The following CHCHD6 variants were observed in gnomAD, a reference collection of about 807,000 sequenced individuals.
CHCHD6 encodes the protein coiled-coil-helix-coiled-coil-helix domain containing 6, also known as MICOS complex subunit MIC25.
Under a neutral mutation model 32.3 loss-of-function variants are expected in CHCHD6, and 28 were observed. The observed-to-expected ratio is 0.87, with a 90% confidence interval of 0.64 to 1.19. The LOEUF (loss-of-function observed/expected upper bound fraction) is 1.19, where lower values mean the gene tolerates loss of function less well. Ranked by LOEUF, CHCHD6 falls within the 50% of genes most tolerant of loss-of-function variation. The pLI is 0.00. For synonymous variants in CHCHD6, 122 were observed against 117.5 expected (o/e 1.04, Z -0.25); for missense variants, 333 against 307.0 (o/e 1.08, Z -0.63).
chr3:126,923,162 C>A (rs1251528997), intron 6 of CHCHD6, among the ~76,000 whole-genome samples: 2 of 152,192 alleles, frequency 1.3e-5, no homozygotes, highest in African/African-American at 4.8e-5. Flanking sequence ...CATTTGACAT[C>A]CCTGGGCCAG....
intron 4 of CHCHD6, among the ~76,000 whole-genome samples, chr3:126,809,041 A>T (rs1304757157): frequency 2.0e-5 from 3 of 151,220 alleles, no homozygotes; most frequent in Non-Finnish European, 4.4e-5. Flanking sequence ...GCGTGATCTC[A>T]GCTCACTGCA....
At chr3:126,754,830 C>T (rs1316447857) in intron 4 of CHCHD6, among the ~76,000 whole-genome samples, 2 of 152,194 alleles carry the variant, frequency 1.3e-5, no homozygotes, top group Non-Finnish European at 2.9e-5. Flanking sequence ...ATGGTAGGCA[C>T]CTTTGGTGCT....
intron 4 of CHCHD6, among the ~76,000 whole-genome samples, chr3:126,788,484 T>A (rs1576416647): frequency 6.6e-6 from 1 of 152,238 alleles, no homozygotes; most frequent in Non-Finnish European, 1.5e-5. Flanking sequence ...AAGCTATTAA[T>A]TATTGTCTCA....
intron 4 of CHCHD6, among the ~76,000 whole-genome samples, chr3:126,797,751 A>G (rs1284343623): frequency 2.0e-5 from 3 of 152,144 alleles, no homozygotes; most frequent in African/African-American, 7.2e-5. Context: ...GGAGAGGTTG[A>G]TGCGAATTGT....
intron 5 of CHCHD6, chr3:126,865,700 T>A: frequency 1.0e-6 from 1 of 985,380 alleles, no homozygotes; most frequent in Non-Finnish European, 1.2e-6. Flanking sequence ...CCACCACATA[T>A]TACCCTCTTC....
At chr3:126,755,838 ATG>A (rs58430251) in intron 4 of CHCHD6, among the ~76,000 whole-genome samples, 9,813 of 145,246 alleles carry the variant, frequency 0.068, 976 homozygotes, top group African/African-American at 0.22. Context: ...CTGTGTGTGC[ATG>A]TGTGTGTGTG....
At chr3:126,895,342 G>C (rs2107580149) in intron 5 of CHCHD6, among the ~76,000 whole-genome samples, 1 of 152,330 alleles carries the variant, frequency 6.6e-6, no homozygotes, top group Non-Finnish European at 1.5e-5. Context: ...GAGGGGCTGG[G>C]TGCTGGGGTG....
intron 5 of CHCHD6, among the ~76,000 whole-genome samples, chr3:126,858,071 A>G (rs533765710): frequency 5.9e-5 from 9 of 152,258 alleles, no homozygotes; most frequent in Non-Finnish European, 1.2e-4. Context: ...GGTATTCATG[A>G]TAGAGCATTG....
At chr3:126,827,701 GGA>G (rs776598560) in intron 4 of CHCHD6, among the ~76,000 whole-genome samples, 1 of 152,198 alleles carries the variant, frequency 6.6e-6, no homozygotes, top group Non-Finnish European at 1.5e-5. Context: ...CAAAGTTAGA[GGA>G]GAATGGGATT....
chr3:126,763,503 T>C (rs959699607), intron 4 of CHCHD6, among the ~76,000 whole-genome samples: 5 of 151,978 alleles, frequency 3.3e-5, no homozygotes, highest in Admixed American at 3.3e-4. Flanking sequence ...TTTTTGTTTG[T>C]TTATTTGTTT....
At chr3:126,922,481 TCTTAC>T (rs1450447036) in intron 6 of CHCHD6, among the ~76,000 whole-genome samples, 1 of 152,032 alleles carries the variant, frequency 6.6e-6, no homozygotes, top group Non-Finnish European at 1.5e-5. Context: ...TGTGGATGAG[TCTTAC>T]CTTGCTCTTT....
At chr3:126,722,926 A>G (rs1052505912) in intron 1 of CHCHD6, among the ~76,000 whole-genome samples, 1 of 152,210 alleles carries the variant, frequency 6.6e-6, no homozygotes, top group Non-Finnish European at 1.5e-5. Context: ...TAAGAGTTTT[A>G]TAGTTTTAGC....
intron 1 of CHCHD6, among the ~76,000 whole-genome samples, chr3:126,721,984 C>A (rs989329698): frequency 6.6e-6 from 1 of 152,126 alleles, no homozygotes; most frequent in Admixed American, 6.5e-5. Flanking sequence ...TTTTACTTAT[C>A]CATTCATTGG....
rs539382908 is a variant in CHCHD6, at chr3:126,739,111, T to C, written c.411+5889T>C. Among the ~76,000 whole-genome samples the C allele has an allele frequency of 1.6e-4, 25 of 152,288 alleles. No homozygotes were observed. The East Asian group carries it at 4.6e-3, about 28-fold the overall frequency. ...GTTATGTGGAGATCTGAAAATCCTG[T>C]GGAGATCTGCATTGCCTGTGCTCAG... is the stretch of plus-strand genomic sequence containing the variant. On this transcript the variant is annotated intron_variant, in intron 4 of 7. Transcript: ENST00000290913.
At chr3:126,893,592 A>G (rs2077795883) in intron 5 of CHCHD6, among the ~76,000 whole-genome samples, 1 of 152,236 alleles carries the variant, frequency 6.6e-6, no homozygotes, top group Admixed American at 6.5e-5. Flanking sequence ...CAATGCAATG[A>G]TAGCAGGGCT....
At chr3:126,745,760 T>C (rs1936474599) in intron 4 of CHCHD6, among the ~76,000 whole-genome samples, 1 of 152,238 alleles carries the variant, frequency 6.6e-6, no homozygotes, top group Non-Finnish European at 1.5e-5. Flanking sequence ...CTAGTTGTTC[T>C]TTCCTAACTC....
intron 4 of CHCHD6, among the ~76,000 whole-genome samples, chr3:126,826,034 G>A (rs190045580): frequency 6.6e-6 from 1 of 152,156 alleles, no homozygotes; most frequent in African/African-American, 2.4e-5. Context: ...CTAGATTTTG[G>A]TAGACCTGCT....
intron 6 of CHCHD6, among the ~76,000 whole-genome samples, chr3:126,936,774 C>T (rs987907914): frequency 1.3e-5 from 2 of 152,154 alleles, no homozygotes; most frequent in Admixed American, 6.5e-5. Flanking sequence ...AGGCTGGTCG[C>T]GAACACCTGA....
chr3:126,902,938 A>G (rs552308327), intron 5 of CHCHD6, among the ~76,000 whole-genome samples: 1 of 152,244 alleles, frequency 6.6e-6, no homozygotes, highest in South Asian at 2.1e-4. Flanking sequence ...GCAAGGCTAT[A>G]TAGTGCCATA....
Sources: allele counts gnomAD v4.1 joint callset (sites outside exome capture counted in the v4.1 genomes callset), GRCh38; gene constraint gnomAD v4.1.1; transcripts MANE v1.5; gene names NCBI Gene and HGNC (gene_info 2026-07-23, HGNC 2026-07-21).